The following PAXIP1 variants were observed in gnomAD, a reference collection of about 807,000 sequenced individuals.
The protein encoded by PAXIP1 is PAX interacting protein 1, also known as PAX-interacting protein 1.
PAXIP1 carries 19 observed loss-of-function variants against 140.6 expected under a neutral mutation model. The observed-to-expected ratio is 0.14, with a 90% CI of 0.09 to 0.20. The LOEUF (loss-of-function observed/expected upper bound fraction) is 0.20. Among genes scored for constraint, PAXIP1 ranks in the 10% least tolerant of loss-of-function variants. The pLI is 1.00. For synonymous variants in PAXIP1, 442 were observed against 444.6 expected (o/e 0.99, Z 0.07); for missense variants, 920 against 1,208.6 (o/e 0.76, Z 3.54).
rs1811008130 is a variant in PAXIP1 at position 155,003,033 on chromosome 7, C to A, written c.-104G>T. On this transcript the variant is annotated 5_prime_UTR_variant, in exon 1 of 21. In the 5' UTR this introduces an upstream ATG that the reference lacks. Coordinates refer to ENST00000404141, the MANE Select transcript of PAXIP1 (RefSeq NM_007349.4). ...GCCCCCACTCGCCCCGCCAACGGCC[C>A]TGCCCGCGCAGCCCGGGCCCGGTCC... 1 of 330,640 alleles carries A rather than the reference C, an allele frequency of 3.0e-6. No homozygotes were observed. The highest frequency in any genetic ancestry group is 2.3e-5 in the African/African-American group (1 of 43,950). 20.5% of individuals were successfully genotyped at this position (330,640 alleles called of 1,614,324 possible). A position where few individuals can be genotyped will look rare whatever the true frequency, so the allele number is the denominator to read the frequency against.
chr7:154,963,158 G>T lies in PAXIP1; in HGVS notation c.1989+513C>A, dbSNP rs1808842686. Among the ~76,000 whole-genome samples the T allele has an allele frequency of 6.6e-6, 1 of 152,114 alleles. No individual in the cohort carries two copies. Among genetic ancestry groups the T allele is most frequent in the Non-Finnish European group, 1.5e-5 (1 of 68,012 alleles). On this transcript the variant is annotated intron_variant, in intron 9 of 20. Transcript: ENST00000404141. The surrounding 1 kb of genome is among the most constrained non-coding windows in gnomAD (Gnocchi z 4.1). ...GAGAGCAGCTGGAATGGTGACTGCA[G>T]GGAGTGTCCGCCCTTTCTTTCTTTT... is the stretch of plus-strand genomic sequence containing the variant.
Position 154,962,472 on chromosome 7 carries a change from A to C in PAXIP1, c.1990-14T>G. The C allele has an allele frequency of 6.2e-7, 1 of 1,607,600 alleles. No individual in the cohort carries two copies. Among genetic ancestry groups the C allele is most frequent in the Non-Finnish European group, 8.5e-7 (1 of 1,175,900 alleles). On this transcript the variant is annotated splice_polypyrimidine_tract_variant and intron_variant, in intron 9 of 20. Coordinates refer to ENST00000404141, the MANE Select transcript of PAXIP1 (RefSeq NM_007349.4). ...TTCTCTTATTGCCTGTCAAACATAAAATTATAGGTTTGTTGTTTTTGTTTT... is the reference window on the plus strand; with the variant it reads ...TTCTCTTATTGCCTGTCAAACATAACATTATAGGTTTGTTGTTTTTGTTTT...
intron 8 of PAXIP1, chr7:154,965,494 G>C (rs980681647): frequency 8.0e-5 from 12 of 149,446 alleles, no homozygotes; most frequent in African/African-American, 2.9e-4. Context: ...TGAACTGTGT[G>C]GGTCCACTGA....
chr7:154,957,154 A>G (rs1285239956), intron 14 of PAXIP1, 70 bp downstream of exon 14: 1 of 778,334 alleles, frequency 1.3e-6, no homozygotes. Flanking sequence ...AACTTTCCTC[A>G]ATTGCCACCG....
intron 3 of PAXIP1, 144 bp downstream of exon 3, chr7:154,993,582 T>C (rs566117587): frequency 1.3e-5 from 9 of 672,714 alleles, no homozygotes; most frequent in Non-Finnish European, 2.3e-5. Flanking sequence ...TGAAACAGGA[T>C]GGAAAATAGT....
At chr7:154,998,861 G>A (rs796392827) in intron 1 of PAXIP1, 77 bp from the exon 2 acceptor site, 4 of 1,238,832 alleles carry the variant, frequency 3.2e-6, no homozygotes, top group East Asian at 5.0e-5. Context: ...AATAATTATT[G>A]GGCATAATAG....
At position 154,961,584 on chromosome 7, in the gene PAXIP1, G is replaced by A; in HGVS notation, c.2192C>T (p.Ala731Val). The A allele has an allele frequency of 6.2e-7, 1 of 1,605,260 alleles. No homozygotes were observed. The highest frequency in any genetic ancestry group is 8.5e-7 in the Non-Finnish European group (1 of 1,174,930). Residue 731 changes from alanine to valine, a missense_variant, in exon 11 of 21, where the codon GCA becomes GTA. Physicochemically the swap from Ala to Val is moderately conservative, Grantham distance 64 (BLOSUM62 0). Transcript: ENST00000404141. ...RDDLKLMAYL[A>V]GAKYTGYLCR... ...TAGATAACCCGTATATTTGGCACCT[G>A]CCAAATAAGCCATTAATTTTAGGTC...
chr7:154,995,658 T>C (rs1219225248), intron 2 of PAXIP1, among the ~76,000 whole-genome samples: 4 of 152,180 alleles, frequency 2.6e-5, no homozygotes, highest in Non-Finnish European at 5.9e-5. Context: ...GAGACCAGCC[T>C]GGCCAACATG....
intron 2 of PAXIP1, among the ~76,000 whole-genome samples, chr7:154,996,359 T>C (rs1438537574): frequency 6.6e-6 from 1 of 152,192 alleles, no homozygotes; most frequent in Admixed American, 6.5e-5. Flanking sequence ...AATATGTCTG[T>C]CACTCATTTT....
chr7:154,964,396 T>TA (rs1254770574), intron 8 of PAXIP1: 1 of 152,222 alleles, frequency 6.6e-6, no homozygotes, highest in Non-Finnish European at 1.5e-5. Flanking sequence ...TCTGACGGCC[T>TA]ATTAGGTGAA....
At chr7:154,997,259 A>T (rs1054253204) in intron 2 of PAXIP1, among the ~76,000 whole-genome samples, 1 of 152,094 alleles carries the variant, frequency 6.6e-6, no homozygotes, top group Non-Finnish European at 1.5e-5. Flanking sequence ...TTTTTGTTTA[A>T]GAGATGGTGT....
At chr7:154,999,024 A>G (rs942998215) in intron 1 of PAXIP1, among the ~76,000 whole-genome samples, 2 of 152,278 alleles carry the variant, frequency 1.3e-5, no homozygotes, top group Non-Finnish European at 2.9e-5. Flanking sequence ...GGCTATTGTG[A>G]GTCCAGTAGT....
At chr7:154,988,651 C>T (rs1348555239) in intron 4 of PAXIP1, among the ~76,000 whole-genome samples, 1 of 152,104 alleles carries the variant, frequency 6.6e-6, no homozygotes, top group Admixed American at 6.5e-5. Flanking sequence ...AATCCCATGT[C>T]ACTGTGACCT....
Position 154,946,275 on chromosome 7 carries a change from G to T in PAXIP1, c.3194+90C>A. On this transcript the variant is annotated intron_variant, in intron 20 of 20. Coordinates refer to ENST00000404141, the MANE Select transcript of PAXIP1 (RefSeq NM_007349.4). The surrounding 1 kb of genome is among the most constrained non-coding windows in gnomAD (Gnocchi z 4.9). Reference sequence around the variant, plus strand: ...ATAGCAAAGAAAGGAAAAATGGCTTGCAAAACAGGAAAGGTACTGCCTTAT... The same window carrying T: ...ATAGCAAAGAAAGGAAAAATGGCTTTCAAAACAGGAAAGGTACTGCCTTAT... 6.3e-7 allele frequency: 1 copy of T among 1,584,188 alleles called. No homozygotes were observed. Among genetic ancestry groups the T allele is most frequent in the Middle Eastern group, 1.7e-4 (1 of 5,846 alleles).
chr7:154,990,782 ATCT>A (rs1810295013), intron 4 of PAXIP1, among the ~76,000 whole-genome samples: 2 of 152,196 alleles, frequency 1.3e-5, no homozygotes, highest in Middle Eastern at 3.4e-3. Flanking sequence ...CAAGTTTTAA[ATCT>A]TTTTTATTTA....
At chr7:154,972,387 G>T (rs1809370806) in intron 6 of PAXIP1, among the ~76,000 whole-genome samples, 1 of 152,166 alleles carries the variant, frequency 6.6e-6, no homozygotes, top group Non-Finnish European at 1.5e-5. Context: ...TACTCAGGAG[G>T]CTGAGGCAAG....
Position 154,973,120 on chromosome 7 carries a change from G to A in PAXIP1, c.1074+2576C>T, listed in dbSNP as rs563158677. On this transcript the variant is annotated intron_variant, in intron 6 of 20. Transcript: ENST00000404141. The surrounding 1 kb of genome is among the most constrained non-coding windows in gnomAD (Gnocchi z 4.0). ...TTCCCTAAACTCGGCTGACCCCAGC[G>A]CTCTCATGGGCACCCACCTGGACAA... Among the ~76,000 whole-genome samples the A allele has an allele frequency of 1.3e-5, 2 of 152,230 alleles. No homozygotes were observed. The highest frequency in any genetic ancestry group is 3.9e-4 in the East Asian group (2 of 5,168).
At position 154,954,316 on chromosome 7, in the gene PAXIP1, G is replaced by A. The variant is rs369427082; in HGVS notation, c.2760C>T (p.Val920=). Residue 920 remains valine (V), a synonymous_variant, in exon 16 of 21, where the codon GTC becomes GTT. Coordinates refer to ENST00000404141, the MANE Select transcript of PAXIP1 (RefSeq NM_007349.4). The surrounding 1 kb of genome is among the most constrained non-coding windows in gnomAD (Gnocchi z 5.1). ...ACTCTGGCGTCACTATGTGCTTCAC[G>A]ACAGAAATCGCCGTCAGGAACTTCA... ...RTVKFLTAIS[V]VKHIVTPEWL... The A allele has an allele frequency of 1.9e-5, 30 of 1,603,690 alleles. No homozygotes were observed. Among genetic ancestry groups the A allele is most frequent in the Middle Eastern group, 1.7e-4 (1 of 6,032 alleles).
At chr7:154,955,341 C>T (rs1808456328) in intron 15 of PAXIP1, among the ~76,000 whole-genome samples, 188 bp downstream of exon 15, 1 of 152,142 alleles carries the variant, frequency 6.6e-6, no homozygotes, top group African/African-American at 2.4e-5. Flanking sequence ...TAGCACAGAA[C>T]AGGGCAGGAA....
Sources: gnomAD v4.1 joint callset for allele counts (sites outside exome capture counted in the v4.1 genomes callset) on GRCh38, gnomAD v4.1.1 for gene constraint, Gnocchi (gnomAD v3.1) non-coding constraint, MANE v1.5 for transcripts, NCBI Gene and HGNC (gene_info 2026-07-23, HGNC 2026-07-21) for gene names.